The following SFSWAP variants were observed in gnomAD, a reference collection of about 807,000 sequenced individuals.
The protein encoded by SFSWAP is splicing factor SWAP.
Under a neutral mutation model 100.7 loss-of-function variants are expected in SFSWAP, and 17 were observed. The observed-to-expected ratio is 0.17, with a 90% CI of 0.12 to 0.25. The LOEUF is 0.25. Ranked by LOEUF, SFSWAP falls within the 10% of genes least tolerant of loss-of-function variation. SFSWAP has a pLI of 1.00. For synonymous variants in SFSWAP, 504 were observed against 510.1 expected (o/e 0.99, Z 0.16); for missense variants, 1,005 against 1,262.6 (o/e 0.80, Z 3.09).
chr12:131,729,650 T>A (rs1161431537), intron 7 of SFSWAP, among the ~76,000 whole-genome samples: 26 of 152,226 alleles, frequency 1.7e-4, no homozygotes, highest in Admixed American at 1.7e-3. Context: ...TTTGAAAGTG[T>A]TTGACGTTGG....
At chr12:131,721,101 C>A (rs1444984450) in intron 4 of SFSWAP, among the ~76,000 whole-genome samples, 1 of 152,130 alleles carries the variant, frequency 6.6e-6, no homozygotes, top group African/African-American at 2.4e-5. Flanking sequence ...TACACACTTT[C>A]AAATGACCAG....
At chr12:131,771,051 G>T (rs1883552854) in intron 13 of SFSWAP, among the ~76,000 whole-genome samples, 1 of 152,188 alleles carries the variant, frequency 6.6e-6, no homozygotes, top group Admixed American at 6.5e-5. Context: ...GCTCGGTCGT[G>T]TGCATCTACC....
Position 131,786,571 on chromosome 12 carries a change from G to A in SFSWAP, c.2517G>A (p.Arg839=). ...YRVSRSPGAS[R]KRTRSRSPHE... is the part of the protein sequence containing the mutation. ...TGAGCCGCAGCCCTGGGGCCAGTAG[G>A]AAGCGGACCCGCTCCAGGTAGGCCA... The change falls in exon 15 of 18, where the codon AGG becomes AGA. Residue 839 remains arginine (R), a synonymous_variant. Coordinates refer to ENST00000261674, the MANE Select transcript of SFSWAP (RefSeq NM_004592.4). 1 of 1,589,678 alleles carries A rather than the reference G, an allele frequency of 6.3e-7. No homozygotes were observed. Among genetic ancestry groups the A allele is most frequent in the Non-Finnish European group, 8.6e-7 (1 of 1,169,244 alleles).
At position 131,794,342 on chromosome 12, in the gene SFSWAP, T is replaced by TG. The variant is rs1214523724; in HGVS notation, c.2535-2836_2535-2835insG. Reference sequence around the variant, plus strand: ...TTGAGCCCAGGATTTGCAGGCTTTTTTTTTTTTTGGTAGAGACCCCCATCT... The same window carrying TG: ...TTGAGCCCAGGATTTGCAGGCTTTTTGTTTTTTTTGGTAGAGACCCCCATCT... On this transcript the variant is annotated intron_variant, in intron 15 of 17. Coordinates refer to ENST00000261674, the MANE Select transcript of SFSWAP (RefSeq NM_004592.4). The surrounding 1 kb of genome is among the most constrained non-coding windows in gnomAD (Gnocchi z 4.8). 6.6e-6 allele frequency among the ~76,000 whole-genome samples: 1 copy of TG among 151,438 alleles called. No individual in the cohort carries two copies. The highest frequency in any genetic ancestry group is 1.9e-4 in the East Asian group (1 of 5,178).
At chr12:131,738,882 A>ATTTTTTTTTTTTTTTTTTTT (rs1555243205) in intron 7 of SFSWAP, among the ~76,000 whole-genome samples, 1 of 40,184 alleles carries the variant, frequency 2.5e-5, no homozygotes, top group Admixed American at 3.6e-4. Flanking sequence ...AATGAACATT[A>ATTTTTTTTTTTTTTTTTTTT]TTCTTTTTTT....
In SFSWAP at chr12:131,778,351, A is replaced by G. The variant is rs752824203; in HGVS notation, c.2408+21A>G. The stretch of plus-strand genomic sequence containing the variant: ...TCGAGGTGGGTGTGAAGGGGGCAGC[A>G]CCTCTGGTACCCTCATGACCCCCAT... On this transcript the variant is annotated intron_variant, in intron 14 of 17. Transcript: ENST00000261674. The surrounding 1 kb of genome is among the most constrained non-coding windows in gnomAD (Gnocchi z 4.2). 8 of 1,605,822 alleles carry G rather than the reference A, an allele frequency of 5.0e-6. No individual in the cohort carries two copies. In the Admixed American group the frequency reaches 6.8e-5, roughly 14 times the overall value.
Position 131,756,572 on chromosome 12 carries a change from G to C in SFSWAP, c.1648G>C (p.Ala550Pro). 1.2e-6 allele frequency: 2 copies of C among 1,613,802 alleles called. No individual in the cohort carries two copies. The highest frequency in any genetic ancestry group is 1.3e-5 in the African/African-American group (1 of 75,026). Residue 550 changes from alanine (A) to proline (P), a missense_variant, in exon 11 of 18, where the codon GCA (alanine) becomes CCA (proline). Transcript: ENST00000261674. ...GCCTGAAGACGCAGCCGAGGTGGGAGCACGGGCAGGCTCAGGCGGGAAGAA... is the reference window on the plus strand; with the variant it reads ...GCCTGAAGACGCAGCCGAGGTGGGACCACGGGCAGGCTCAGGCGGGAAGAA... Reference protein sequence around the residue: ...GAPEDAAEVGARAGSGGKKEA... With the variant: ...GAPEDAAEVGPRAGSGGKKEA...
Position 131,797,000 on chromosome 12 carries a change from G to C in SFSWAP, c.2535-178G>C, listed in dbSNP as rs529932452. On this transcript the variant is annotated intron_variant, in intron 15 of 17. Coordinates refer to ENST00000261674, the MANE Select transcript of SFSWAP (RefSeq NM_004592.4). ...GGTCCTAAATGGGGACGCGTCATCT[G>C]TTATCAGTTAAATGAAATAAGTAGC... 6.5e-6 allele frequency: 4 copies of C among 614,650 alleles called. No homozygotes were observed. The African/African-American group carries it at 7.3e-5, about 11-fold the overall frequency. The allele number at this position is 614,650 out of a possible 1,614,324, so 38.1% of individuals were successfully genotyped here.
In SFSWAP at chr12:131,725,346, C is replaced by T. The variant is rs1192613977; in HGVS notation, c.607-59C>T. On this transcript the variant is annotated intron_variant, in intron 4 of 17. Coordinates refer to ENST00000261674, the MANE Select transcript of SFSWAP (RefSeq NM_004592.4). This position sits in a 1 kb window ranked among gnomAD's most constrained non-coding sequence, Gnocchi z 4.3. ...AGTCATTTCTATGTTTTAATGAAAT[C>T]ACGTGGCCGGTGGACAAGAGGACAA... 4.4e-6 allele frequency: 6 copies of T among 1,357,128 alleles called. No homozygotes were observed. Among genetic ancestry groups the T allele is most frequent in the Non-Finnish European group, 6.3e-6 (6 of 947,040 alleles). The allele number at this position is 1,357,128 out of a possible 1,614,324, so 84.1% of individuals were successfully genotyped here.
intron 11 of SFSWAP, 53 bp downstream of exon 11, chr12:131,756,697 C>G: frequency 6.8e-7 from 1 of 1,465,894 alleles, no homozygotes; most frequent in Non-Finnish European, 9.1e-7. Flanking sequence ...AGTTGGCAAG[C>G]GTAGGATCCT....
At chr12:131,736,660 G>T (rs1017729654) in intron 7 of SFSWAP, among the ~76,000 whole-genome samples, 3 of 152,024 alleles carry the variant, frequency 2.0e-5, no homozygotes, top group African/African-American at 7.3e-5. Context: ...AGGATGTGAG[G>T]CTTCGTGTTA....
intron 15 of SFSWAP, among the ~76,000 whole-genome samples, chr12:131,791,249 TGTG>T (rs954740331): frequency 2.0e-5 from 3 of 151,442 alleles, no homozygotes; most frequent in Non-Finnish European, 4.4e-5. Context: ...AAAAATTAGG[TGTG>T]GTGGCAAGTG....
chr12:131,751,046 G>A (rs1279005927), intron 7 of SFSWAP, among the ~76,000 whole-genome samples: 4 of 152,012 alleles, frequency 2.6e-5, no homozygotes, highest in South Asian at 4.2e-4. Context: ...CCATTTTGCC[G>A]GCACTGCTAT....
At chr12:131,771,320 G>A (rs1370712386) in intron 13 of SFSWAP, among the ~76,000 whole-genome samples, 2 of 152,086 alleles carry the variant, frequency 1.3e-5, no homozygotes, top group Admixed American at 1.3e-4. Context: ...CTCTGTGTGT[G>A]CCCCTCCCCT....
intron 7 of SFSWAP, among the ~76,000 whole-genome samples, chr12:131,751,361 G>C (rs1221363233): frequency 6.6e-6 from 1 of 152,208 alleles, no homozygotes; most frequent in Non-Finnish European, 1.5e-5. Flanking sequence ...CTTTTTAGGG[G>C]TGAGACTGAC....
intron 13 of SFSWAP, among the ~76,000 whole-genome samples, chr12:131,768,617 G>A (rs1358314971): frequency 6.6e-6 from 1 of 152,184 alleles, no homozygotes; most frequent in African/African-American, 2.4e-5. Context: ...TGAGTCCCGA[G>A]TGCTCTGGCC....
At position 131,755,474 on chromosome 12, in the gene SFSWAP, A is replaced by T; in HGVS notation, c.1543A>T (p.Met515Leu). 3 of 1,611,474 alleles carry T rather than the reference A, an allele frequency of 1.9e-6. No homozygotes were observed. The highest frequency in any genetic ancestry group is 2.5e-6 in the Non-Finnish European group (3 of 1,177,658). ...CCTCCAGAAAGAAGGGGGCGATAGCATGCAGGTACGTGTCTGAATGCAGGG... is the reference window on the plus strand; with the variant it reads ...CCTCCAGAAAGAAGGGGGCGATAGCTTGCAGGTACGTGTCTGAATGCAGGG... ...FFLQKEGGDSMQAVSAPEEAP... is the reference protein window; with the variant it reads ...FFLQKEGGDSLQAVSAPEEAP... Residue 515 changes from methionine (M) to leucine (L), a missense_variant, in exon 10 of 18, where the codon ATG becomes TTG. Met to Leu is a conservative substitution (Grantham distance 15). This residue lies in a region of SFSWAP where 311 missense variants were observed against 317.8 expected (regional missense o/e 0.98). Transcript: ENST00000261674.
At position 131,799,492 on chromosome 12, in the gene SFSWAP, G is replaced by T. The variant is rs191498396; in HGVS notation, c.*4G>T. 6.2e-7 allele frequency: 1 copy of T among 1,613,452 alleles called. No individual in the cohort carries two copies. The highest frequency in any genetic ancestry group is 1.7e-5 in the Admixed American group (1 of 59,974). On this transcript the variant is annotated 3_prime_UTR_variant, in exon 18 of 18. Transcript: ENST00000261674. ...CCTGCAAACCAGCGCTTCCTGAGAC[G>T]GGGCCAGCGGAGGCAGAGCCGGGAG...
At chr12:131,744,446 C>G (rs4964990) in intron 7 of SFSWAP, among the ~76,000 whole-genome samples, 25,004 of 152,206 alleles carry the variant, frequency 0.16, 2,356 homozygotes, top group South Asian at 0.28. Context: ...AGTGTTTTTG[C>G]CAAAACATAA....
Sources: allele counts gnomAD v4.1 joint callset (sites outside exome capture counted in the v4.1 genomes callset), GRCh38; gene constraint gnomAD v4.1.1; regional missense constraint gnomAD v4.1.1; non-coding constraint Gnocchi (gnomAD v3.1); transcripts MANE v1.5; gene names NCBI Gene and HGNC (gene_info 2026-07-23, HGNC 2026-07-21).